C14orf39: variants seen among roughly 807,000 people sequenced by gnomAD.
C14orf39 encodes protein SIX6OS1.
In C14orf39, 66 loss-of-function variants were observed where a neutral mutation model predicts 85.6. The ratio of observed to expected loss-of-function variants is 0.77; its 90% CI spans 0.63 to 0.95. The LOEUF (loss-of-function observed/expected upper bound fraction) is 0.95, where lower values mean the gene tolerates loss of function less well. Ranked by LOEUF, C14orf39 falls within the 40% of genes least tolerant of loss-of-function variation. C14orf39 has a pLI of 0.00. For synonymous variants in C14orf39, 242 were observed against 214.0 expected, an observed-to-expected ratio of 1.13 and a Z score of -1.14; for missense variants, 735 against 663.9, an observed-to-expected ratio of 1.11 and a Z score of -1.18.
chr14:60,466,638 T>A (rs756939454), intron 10 of C14orf39, among the ~76,000 whole-genome samples: 1 of 151,874 alleles, frequency 6.6e-6, no homozygotes, highest in Non-Finnish European at 1.5e-5. Context: ...ATGAAAAATA[T>A]GTAATTTTTC....
At position 60,436,162 on chromosome 14, in the gene C14orf39, A is replaced by C. The variant is rs1890241299; in HGVS notation, c.*683T>G. 1 of 152,160 alleles carries C rather than the reference A, an allele frequency of 6.6e-6. No individual in the cohort carries two copies. The highest frequency in any genetic ancestry group is 2.1e-4 in the South Asian group (1 of 4,832). The allele number at this position is 152,160 out of a possible 1,614,324, so 9.4% of individuals were successfully genotyped here. ...GGAGACAAAATTGTAAATGTTCTTCAAAAAATATTTAAGCAAAAAAGAATA... is the reference window on the plus strand; with the variant it reads ...GGAGACAAAATTGTAAATGTTCTTCCAAAAATATTTAAGCAAAAAAGAATA... On this transcript the variant is annotated 3_prime_UTR_variant, in exon 18 of 18. Transcript: ENST00000321731.
chr14:60,462,216 A>C (rs1433352760), intron 11 of C14orf39, among the ~76,000 whole-genome samples: 1 of 151,874 alleles, frequency 6.6e-6, no homozygotes, highest in Non-Finnish European at 1.5e-5. Flanking sequence ...CTCTACAAAA[A>C]ATTAAAAAAT....
At chr14:60,439,105 A>T (rs949855355) in intron 17 of C14orf39, among the ~76,000 whole-genome samples, 1 of 152,238 alleles carries the variant, frequency 6.6e-6, no homozygotes, top group African/African-American at 2.4e-5. Flanking sequence ...GGTGATGGAT[A>T]TTCCAATTAC....
chr14:60,473,382 T>C (rs954683943), intron 5 of C14orf39, among the ~76,000 whole-genome samples: 3 of 152,220 alleles, frequency 2.0e-5, no homozygotes, highest in African/African-American at 7.2e-5. Context: ...GTAGTTTCTT[T>C]TGCTGTGCAG....
At chr14:60,440,218 G>A (rs538260490) in intron 17 of C14orf39, among the ~76,000 whole-genome samples, 4 of 152,192 alleles carry the variant, frequency 2.6e-5, no homozygotes, top group East Asian at 1.9e-4. Context: ...CATTGAATTC[G>A]AAATTCATAT....
intron 16 of C14orf39, among the ~76,000 whole-genome samples, chr14:60,453,068 A>G (rs372856562): frequency 2.6e-5 from 4 of 152,232 alleles, no homozygotes; most frequent in African/African-American, 9.6e-5. Context: ...GGTCAATTAG[A>G]TCAAGGTGAT....
chr14:60,502,480 A>G (rs1893160695), intron 1 of C14orf39, among the ~76,000 whole-genome samples: 1 of 152,206 alleles, frequency 6.6e-6, no homozygotes, highest in South Asian at 2.1e-4. Context: ...AAATTCAAAA[A>G]AATCAGTTCA....
intron 17 of C14orf39, among the ~76,000 whole-genome samples, chr14:60,440,420 A>G (rs1890453297): frequency 6.6e-6 from 1 of 152,116 alleles, no homozygotes; most frequent in Non-Finnish European, 1.5e-5. Context: ...CTCTCTCTCA[A>G]TCCTTATATC....
At chr14:60,486,935 T>C (rs925987364), upstream of C14orf39, among the ~76,000 whole-genome samples, 1 of 152,170 alleles carries the variant, frequency 6.6e-6, no homozygotes, top group Non-Finnish European at 1.5e-5. Context: ...ATTTATTCTT[T>C]TGTGTGTGTG....
Position 60,483,774 on chromosome 14 carries a change from C to G in C14orf39, c.150G>C (p.Arg50Ser). The G allele has an allele frequency of 6.4e-7, 1 of 1,557,054 alleles. No homozygotes were observed. Among genetic ancestry groups the G allele is most frequent in the Non-Finnish European group, 8.8e-7 (1 of 1,132,202 alleles). Residue 50 changes from arginine (R) to serine (S), a missense_variant, in exon 4 of 18, where the codon AGG becomes AGC. Physicochemically the swap from Arg to Ser is moderately radical, Grantham distance 110 (BLOSUM62 -1). Transcript: ENST00000321731. ...DIKENKVTIC[R>S]IHETINATDE... ...CTGTTGCATTTATAGTTTCGTGTAT[C>G]CTACAAATAGTTACTTTGTTTTCCT...
chr14:60,514,854 T>G (rs1467284632), intron 1 of C14orf39, among the ~76,000 whole-genome samples: 2 of 152,130 alleles, frequency 1.3e-5, no homozygotes, highest in Non-Finnish European at 1.5e-5. Context: ...CCGCTCCTTT[T>G]GTGAGGCGGA....
chr14:60,469,613 C>A lies in C14orf39; in HGVS notation c.595G>T (p.Ala199Ser). The change falls in exon 8 of 18, where the codon GCC (alanine) becomes TCC (serine). Residue 199 changes from alanine (A) to serine (S), a missense_variant. Ala to Ser is a moderately conservative substitution (Grantham distance 99). Transcript: ENST00000321731. ...RCETQDILKH[A>S]SNLTKSSSEL... ...GATGAACTTTTGGTAAGATTGCTGGCATGTTTAAGAATATCTTGTGTTTCA... is the reference window on the plus strand; with the variant it reads ...GATGAACTTTTGGTAAGATTGCTGGAATGTTTAAGAATATCTTGTGTTTCA... 1.3e-6 allele frequency: 2 copies of A among 1,510,510 alleles called. No homozygotes were observed. Among genetic ancestry groups the A allele is most frequent in the Non-Finnish European group, 1.8e-6 (2 of 1,118,860 alleles). 93.6% of individuals were successfully genotyped at this position (1,510,510 alleles called of 1,614,324 possible).
chr14:60,446,273 T>A (rs1441251611), intron 16 of C14orf39, among the ~76,000 whole-genome samples: 1 of 145,828 alleles, frequency 6.9e-6, no homozygotes, highest in Non-Finnish European at 1.6e-5. Context: ...GAATCCAGCA[T>A]TGGATTCAAC....
intron 2 of C14orf39, among the ~76,000 whole-genome samples, chr14:60,492,969 T>C (rs951784167): frequency 1.3e-5 from 2 of 152,160 alleles, no homozygotes; most frequent in Admixed American, 1.3e-4. Flanking sequence ...AACATGCCTT[T>C]CCATGAGTTT....
rs550022820 is a variant in C14orf39, at chr14:60,491,080, G to A, written c.-8-5994C>T. Reference sequence around the variant, plus strand: ...CAACTGTTCATGACACCTATCCTGAGTTCCAGACCCACGTATCTAATTGCT... The same window carrying A: ...CAACTGTTCATGACACCTATCCTGAATTCCAGACCCACGTATCTAATTGCT... On this transcript the variant is annotated intron_variant, in intron 2 of 5. Transcript: ENST00000556799. The surrounding 1 kb of genome is among the most constrained non-coding windows in gnomAD (Gnocchi z 4.5). Among the ~76,000 whole-genome samples, 6 of 152,324 alleles carry A rather than the reference G, an allele frequency of 3.9e-5. No individual in the cohort carries two copies. The East Asian group carries it at 9.6e-4, about 24-fold the overall frequency.
chr14:60,500,827 T>C (rs1382466267), intron 1 of C14orf39, among the ~76,000 whole-genome samples: 4 of 152,170 alleles, frequency 2.6e-5, no homozygotes, highest in African/African-American at 9.7e-5. Context: ...AGTGCTTGGA[T>C]TTTTATGTCA....
intron 5 of C14orf39, 89 bp from the exon 6 acceptor site, chr14:60,471,828 A>C: frequency 1.4e-6 from 1 of 733,820 alleles, no homozygotes; most frequent in Non-Finnish European, 2.1e-6. Flanking sequence ...TAAACATAAA[A>C]GGCAAATCAA....
intron 1 of C14orf39, chr14:60,509,900 A>G (rs905808214): frequency 2.5e-6 from 4 of 1,612,580 alleles, no homozygotes; most frequent in Non-Finnish European, 3.4e-6. Context: ...AACCGGACTG[A>G]CCCCTACGCA....
At chr14:60,457,544 C>T (rs951355511) in intron 14 of C14orf39, among the ~76,000 whole-genome samples, 2 of 151,904 alleles carry the variant, frequency 1.3e-5, no homozygotes, top group South Asian at 4.1e-4. Flanking sequence ...ATCTGTTATG[C>T]TACTTTCTCT....
Sources: gnomAD v4.1 joint callset for allele counts (sites outside exome capture counted in the v4.1 genomes callset) on GRCh38, gnomAD v4.1.1 for gene constraint, Gnocchi (gnomAD v3.1) non-coding constraint, MANE v1.5 for transcripts, NCBI Gene and HGNC (gene_info 2026-07-23, HGNC 2026-07-21) for gene names.